Variants in RORA observed in about 807,000 individuals in gnomAD.
The protein encoded by RORA is RAR related orphan receptor A.
RORA carries 7 observed loss-of-function variants against 69.5 expected under a neutral mutation model. That is an observed-to-expected ratio of 0.10 (90% CI 0.06 to 0.19). The LOEUF (loss-of-function observed/expected upper bound fraction) is 0.19. Among genes scored for constraint, RORA ranks in the 10% least tolerant of loss-of-function variants. RORA has a pLI of 1.00. For missense variants in RORA, 457 were observed against 663.0 expected (o/e 0.69, Z 3.41); for synonymous variants, 261 against 240.8 (o/e 1.08, Z -0.78).
chr15:60,715,041 G>A (rs929162654), intron 1 of RORA, among the ~76,000 whole-genome samples: 9 of 152,184 alleles, frequency 5.9e-5, no homozygotes, highest in Admixed American at 3.3e-4. Context: ...CTGATAGCTA[G>A]GTTGGATGAC....
At chr15:60,536,907 T>C (rs939742445) in intron 2 of RORA, among the ~76,000 whole-genome samples, 3 of 152,266 alleles carry the variant, frequency 2.0e-5, no homozygotes, top group African/African-American at 7.2e-5. Context: ...ATGGAGGACT[T>C]TTCACTTGCT....
In RORA at chr15:60,534,516, G is replaced by C. The variant is rs2066620802; in HGVS notation, c.197-2665C>G. Among the ~76,000 whole-genome samples the C allele has an allele frequency of 6.6e-6, 1 of 151,970 alleles. No homozygotes were observed. The highest frequency in any genetic ancestry group is 1.5e-5 in the Non-Finnish European group (1 of 68,014). ...AGGGGGGCCATTCACTTAGATCTTT[G>C]TCCCCATGTGTCTGTGCTTAGTTCC... On this transcript the variant is annotated intron_variant, in intron 2 of 10. Transcript: ENST00000335670. The surrounding 1 kb of genome is among the most constrained non-coding windows in gnomAD (Gnocchi z 5.0).
intron 1 of RORA, among the ~76,000 whole-genome samples, chr15:60,970,421 C>T (rs1893680756): frequency 6.6e-6 from 1 of 152,204 alleles, no homozygotes; most frequent in Admixed American, 6.5e-5. Flanking sequence ...ATTATTTCAG[C>T]AAGTCCCCAC....
chr15:61,124,280 G>C (rs1020365807), intron 1 of RORA, among the ~76,000 whole-genome samples: 1 of 152,344 alleles, frequency 6.6e-6, no homozygotes, highest in Middle Eastern at 3.4e-3. Context: ...AGTGGGTACA[G>C]CTTATAATAA....
At chr15:61,065,968 A>G (rs1407675775) in intron 1 of RORA, among the ~76,000 whole-genome samples, 1 of 152,218 alleles carries the variant, frequency 6.6e-6, no homozygotes, top group Non-Finnish European at 1.5e-5. Flanking sequence ...TGGGTGAAAT[A>G]TCTCAGTGGA....
chr15:60,736,184 C>A (rs968858259), intron 1 of RORA, among the ~76,000 whole-genome samples: 1 of 152,140 alleles, frequency 6.6e-6, no homozygotes, highest in East Asian at 1.9e-4. Context: ...TCAGTCTTCT[C>A]CTTTTTTTCC....
At position 60,912,563 on chromosome 15, in the gene RORA, G is replaced by A. The variant is rs141670617; in HGVS notation, c.167-233877C>T. Reference sequence around the variant, plus strand: ...AGATCAGGAGATCGACACCATCTTGGCTAACATGGCGAAACCCCATCTCTA... The same window carrying A: ...AGATCAGGAGATCGACACCATCTTGACTAACATGGCGAAACCCCATCTCTA... On this transcript the variant is annotated intron_variant, in intron 1 of 10. Transcript: ENST00000335670. 8.7e-3 allele frequency among the ~76,000 whole-genome samples: 1,319 copies of A among 152,168 alleles called. 14 individuals carry two copies. Among genetic ancestry groups the A allele is most frequent in the African/African-American group, 0.03 (1,253 of 41,520 alleles).
intron 2 of RORA, among the ~76,000 whole-genome samples, chr15:60,604,327 G>C (rs1472499368): frequency 6.6e-6 from 1 of 152,094 alleles, no homozygotes; most frequent in Non-Finnish European, 1.5e-5. Flanking sequence ...ACCCAGTGTT[G>C]ATTTTGGGGT....
At chr15:60,819,564 T>C (rs762050701) in intron 1 of RORA, among the ~76,000 whole-genome samples, 7 of 152,160 alleles carry the variant, frequency 4.6e-5, no homozygotes, top group Non-Finnish European at 1.0e-4. Flanking sequence ...GAGATTTCTC[T>C]AGAGACATTT....
intron 1 of RORA, among the ~76,000 whole-genome samples, chr15:60,989,785 G>C (rs951338899): frequency 6.6e-6 from 1 of 152,094 alleles, no homozygotes; most frequent in Non-Finnish European, 1.5e-5. Flanking sequence ...TAAAAATTCA[G>C]TGAATAACTA....
intron 1 of RORA, among the ~76,000 whole-genome samples, chr15:61,069,828 G>A (rs539749382): frequency 2.0e-5 from 3 of 152,226 alleles, no homozygotes; most frequent in East Asian, 1.9e-4. Context: ...GATTTAAAAC[G>A]AACTCCTCCA....
In RORA at chr15:61,047,374, A is replaced by T. The variant is rs550844369; in HGVS notation, c.166+181679T>A. 1.6e-4 allele frequency among the ~76,000 whole-genome samples: 25 copies of T among 152,354 alleles called. 2 individuals are homozygous for T. Among genetic ancestry groups the T allele is most frequent in the African/African-American group, 6.0e-4 (25 of 41,586 alleles). On this transcript the variant is annotated intron_variant, in intron 1 of 10. Transcript: ENST00000335670. Reference sequence around the variant, plus strand: ...TTTCAAAAGGAAGACCAGTTTTCTCATTCTATACTCACATTTTTCCTGAAG... The same window carrying T: ...TTTCAAAAGGAAGACCAGTTTTCTCTTTCTATACTCACATTTTTCCTGAAG...
intron 1 of RORA, among the ~76,000 whole-genome samples, chr15:60,837,692 G>A (rs1463941130): frequency 2.6e-5 from 4 of 152,046 alleles, no homozygotes; most frequent in Admixed American, 2.0e-4. Flanking sequence ...CATTTCCCCC[G>A]CTAAAGAGCT....
intron 1 of RORA, among the ~76,000 whole-genome samples, chr15:60,963,034 T>C (rs550090980): frequency 5.9e-5 from 9 of 152,384 alleles, no homozygotes; most frequent in South Asian, 2.1e-4. Context: ...TCTATGTTCC[T>C]ACTACCATGA....
At chr15:60,765,592 A>G (rs551615463) in intron 1 of RORA, 1 of 152,280 alleles carries the variant, frequency 6.6e-6, no homozygotes, top group South Asian at 2.1e-4. Flanking sequence ...GGATAAGGAT[A>G]GTATTTTTTG....
intron 1 of RORA, among the ~76,000 whole-genome samples, chr15:61,195,373 G>A (rs2079837903): frequency 6.6e-6 from 1 of 151,736 alleles, no homozygotes; most frequent in Non-Finnish European, 1.5e-5. Flanking sequence ...TGCAGGTCTA[G>A]CCAGAGCTCC....
chr15:61,062,139 T>C (rs1188881820), intron 1 of RORA, among the ~76,000 whole-genome samples: 3 of 152,214 alleles, frequency 2.0e-5, no homozygotes, highest in Non-Finnish European at 2.9e-5. Context: ...CTGCCACCTC[T>C]TCACCAAGTC....
intron 1 of RORA, among the ~76,000 whole-genome samples, chr15:60,998,289 G>A (rs72754724): frequency 0.034 from 5,194 of 151,862 alleles, 163 homozygotes; most frequent in Non-Finnish European, 0.044. Flanking sequence ...TTAGCCCCCT[G>A]AGTAGCTGCG....
At chr15:61,136,848 G>A (rs1452608385) in intron 1 of RORA, among the ~76,000 whole-genome samples, 1 of 151,962 alleles carries the variant, frequency 6.6e-6, no homozygotes, top group African/African-American at 2.4e-5. Flanking sequence ...TTAAAATAAG[G>A]CTCATGAATA....
Sources: gnomAD v4.1 joint callset for allele counts (sites outside exome capture counted in the v4.1 genomes callset) on GRCh38, gnomAD v4.1.1 for gene constraint, Gnocchi (gnomAD v3.1) non-coding constraint, MANE v1.5 for transcripts, NCBI Gene and HGNC (gene_info 2026-07-23, HGNC 2026-07-21) for gene names.